RNF44: variants seen among roughly 807,000 people sequenced by gnomAD.
RNF44 encodes ring finger protein 44.
Under a neutral mutation model 53.6 loss-of-function variants are expected in RNF44, and 25 were observed. That is an observed-to-expected ratio of 0.47 (90% CI 0.34 to 0.65). The LOEUF (loss-of-function observed/expected upper bound fraction) is 0.65, where lower values mean the gene tolerates loss of function less well. Among genes scored for constraint, RNF44 ranks in the 30% least tolerant of loss-of-function variants. RNF44 has a pLI of 0.01. For missense variants in RNF44, 581 were observed against 595.5 expected (o/e 0.98, Z 0.25); for synonymous variants, 282 against 252.2 (o/e 1.12, Z -1.12).
At chr5:176,533,380 C>T (rs894458477) in intron 1 of RNF44, among the ~76,000 whole-genome samples, 1 of 152,224 alleles carries the variant, frequency 6.6e-6, no homozygotes, top group East Asian at 1.9e-4. Context: ...GAATGTATAG[C>T]TGGCCCATTT....
upstream of RNF44, among the ~76,000 whole-genome samples, chr5:176,541,424 G>A (rs1029876138): frequency 3.3e-5 from 5 of 152,180 alleles, no homozygotes; most frequent in East Asian, 1.9e-4. Flanking sequence ...CAGGGGCCCC[G>A]TGGTTGCTGA....
rs1756366949 is a variant in RNF44 at position 176,529,566 on chromosome 5, AC to A, written c.1092del (p.Ser365ArgfsTer47). 1 of 1,613,906 alleles carries A rather than the reference AC, an allele frequency of 6.2e-7. No individual in the cohort carries two copies. The highest frequency in any genetic ancestry group is 1.3e-5 in the African/African-American group (1 of 74,920). On this transcript the variant is annotated frameshift_variant, in exon 9 of 11. Coordinates refer to ENST00000274811, the MANE Select transcript of RNF44 (RefSeq NM_014901.5). LOFTEE classifies it high-confidence loss of function. Reference sequence around the variant, plus strand: ...TGGCTGTCCGGGTTAAAGCGGTACGACGGGAGCTGCTCTATGTCTGCTTTGG... The same window carrying A: ...TGGCTGTCCGGGTTAAAGCGGTACGAGGGAGCTGCTCTATGTCTGCTTTGG... ...GLTKADIEQL[P>X]SYRFNPDSHQ...
rs781685131 is a variant in RNF44, at chr5:176,530,977, C to T, written c.510G>A (p.Gln170=). The T allele has an allele frequency of 2.7e-6, 4 of 1,456,898 alleles. No homozygotes were observed. The highest frequency in any genetic ancestry group is 3.6e-6 in the Non-Finnish European group (4 of 1,107,768). 90.2% of individuals were successfully genotyped at this position (1,456,898 alleles called of 1,614,324 possible). A position where few individuals can be genotyped will look rare whatever the true frequency, so the allele number is the denominator to read the frequency against. ...CTMQQLPVPY[Q]AYPHLISSDH... ...CACTGGAGATGAGGTGGGGGTAGGC[C>T]TGATAGGGCACAGGCAGCTGCTGCA... is the stretch of plus-strand genomic sequence containing the variant. Residue 170 remains glutamine, a synonymous_variant, in exon 5 of 11, where the codon CAG becomes CAA. Coordinates refer to ENST00000274811, the MANE Select transcript of RNF44 (RefSeq NM_014901.5).
chr5:176,528,681 CAA>C lies in RNF44; in HGVS notation c.*345_*346del. On this transcript the variant is annotated 3_prime_UTR_variant, in exon 11 of 11. Transcript: ENST00000274811. ...GTGCTCTGTCTGCCCATCCTGGGGCCAAGGATCTCCACCGGCCCCACTGAGGG... is the reference window on the plus strand; with the variant it reads ...GTGCTCTGTCTGCCCATCCTGGGGCCGGATCTCCACCGGCCCCACTGAGGG... 9 of 347,644 alleles carry C rather than the reference CAA, an allele frequency of 2.6e-5. No homozygotes were observed. The highest frequency in any genetic ancestry group is 8.8e-5 in the South Asian group (2 of 22,694). 21.5% of individuals were successfully genotyped at this position (347,644 alleles called of 1,614,324 possible).
At chr5:176,538,095 G>T (rs1225658695), upstream of RNF44, 1 of 152,230 alleles carries the variant, frequency 6.6e-6, no homozygotes, top group African/African-American at 2.4e-5. Context: ...CCCCCAGCGT[G>T]GCGGTGGAGG....
At chr5:176,532,998 G>A (rs1463673471) in intron 1 of RNF44, among the ~76,000 whole-genome samples, 2 of 152,146 alleles carry the variant, frequency 1.3e-5, no homozygotes, top group Non-Finnish European at 2.9e-5. Flanking sequence ...GGAGCTCAGC[G>A]AGCTGGCCAG....
chr5:176,531,394 C>A lies in RNF44; in HGVS notation c.465+69G>T. On this transcript the variant is annotated intron_variant, in intron 4 of 10. Coordinates refer to ENST00000274811, the MANE Select transcript of RNF44 (RefSeq NM_014901.5). This position sits in a 1 kb window ranked among gnomAD's most constrained non-coding sequence, Gnocchi z 4.2. Reference sequence around the variant, plus strand: ...CAGCCCAGTTCAGGGCTGCCCTGGGCCCGCTGAGCCGCTGGCCTGTGCCTG... The same window carrying A: ...CAGCCCAGTTCAGGGCTGCCCTGGGACCGCTGAGCCGCTGGCCTGTGCCTG... 2.0e-6 allele frequency: 3 copies of A among 1,468,638 alleles called. No homozygotes were observed. The highest frequency in any genetic ancestry group is 2.1e-5 in the Admixed American group (1 of 48,392). The allele number at this position is 1,468,638 out of a possible 1,614,324, so 91.0% of individuals were successfully genotyped here. A position where few individuals can be genotyped will look rare whatever the true frequency, so the allele number is the denominator to read the frequency against.
upstream of RNF44, among the ~76,000 whole-genome samples, chr5:176,541,474 C>T (rs1322083722): frequency 2.0e-5 from 3 of 152,218 alleles, no homozygotes; most frequent in African/African-American, 7.2e-5. Context: ...GGGGAGAACA[C>T]AGAGGCTCAG....
upstream of RNF44, among the ~76,000 whole-genome samples, chr5:176,539,755 C>G (rs920030670): frequency 2.0e-5 from 3 of 151,908 alleles, no homozygotes; most frequent in Non-Finnish European, 2.9e-5. Flanking sequence ...CCTGCCTGTC[C>G]TTATGGATAG....
At position 176,531,335 on chromosome 5, in the gene RNF44, C is replaced by A; in HGVS notation, c.465+128G>T. The A allele has an allele frequency of 1.1e-6, 1 of 913,094 alleles. No individual in the cohort carries two copies. The highest frequency in any genetic ancestry group is 1.6e-6 in the Non-Finnish European group (1 of 619,938). The allele number at this position is 913,094 out of a possible 1,614,324, so 56.6% of individuals were successfully genotyped here. A position where few individuals can be genotyped will look rare whatever the true frequency, so the allele number is the denominator to read the frequency against. On this transcript the variant is annotated intron_variant, in intron 4 of 10. Transcript: ENST00000274811. The surrounding 1 kb of genome is among the most constrained non-coding windows in gnomAD (Gnocchi z 4.2). The stretch of plus-strand genomic sequence containing the variant: ...CGTATGCTTTCCTGGGGAGGCCAGG[C>A]AGGCGCTCTGACAGCCTGGATGGCT...
At chr5:176,534,997 C>G (rs10058242) in intron 1 of RNF44, among the ~76,000 whole-genome samples, 4,312 of 152,308 alleles carry the variant, frequency 0.028, 213 homozygotes, top group African/African-American at 0.099. Flanking sequence ...GGTGTCTGCT[C>G]TGTGGCCAGC....
Position 176,531,095 on chromosome 5 carries a change from CA to C in RNF44, c.466-75del. The C allele has an allele frequency of 7.2e-6, 8 of 1,117,526 alleles. No homozygotes were observed. Among genetic ancestry groups the C allele is most frequent in the Non-Finnish European group, 4.8e-6 (4 of 827,210 alleles). The allele number at this position is 1,117,526 out of a possible 1,614,324, so 69.2% of individuals were successfully genotyped here. ...GCCAGGTCTACGCCATGCCACCCAG[CA>C]AAAGGCCCCCACCGGGCACACACCC... is the stretch of plus-strand genomic sequence containing the variant. On this transcript the variant is annotated intron_variant, in intron 4 of 10. Coordinates refer to ENST00000274811, the MANE Select transcript of RNF44 (RefSeq NM_014901.5). The surrounding 1 kb of genome is among the most constrained non-coding windows in gnomAD (Gnocchi z 4.2).
rs1395379762 is a variant in RNF44 at position 176,530,146 on chromosome 5, G to C, written c.862C>G (p.Leu288Val). The change falls in exon 7 of 11, where the codon CTG becomes GTG. Residue 288 changes from leucine (L) to valine (V), a missense_variant. By Grantham distance (32) the Leu-to-Val change is conservative. Transcript: ENST00000274811. ...GGTGGGGGTGGGGGCGGCGGGGGCA[G>C]TGGCTGCTGCAGGCGGTATCTCTGG... is the stretch of plus-strand genomic sequence containing the variant. ...STQRYRLQQP[L>V]PPPPPPPPPP... 13 of 1,308,310 alleles carry C rather than the reference G, an allele frequency of 9.9e-6. No homozygotes were observed. The highest frequency in any genetic ancestry group is 1.2e-5 in the Non-Finnish European group (12 of 1,024,404). The allele number at this position is 1,308,310 out of a possible 1,614,324, so 81.0% of individuals were successfully genotyped here.
upstream of RNF44, among the ~76,000 whole-genome samples, chr5:176,538,877 A>ATTG (rs10641503): frequency 0.51 from 78,093 of 151,806 alleles, 20,231 homozygotes; most frequent in Middle Eastern, 0.59. Flanking sequence ...CTGATTAACA[A>ATTG]TTGTCCTTAG....
Position 176,530,104 on chromosome 5 carries a change from G to A in RNF44, c.904C>T (p.Pro302Ser). 8.1e-7 allele frequency: 1 copy of A among 1,240,286 alleles called. No homozygotes were observed. The highest frequency in any genetic ancestry group is 1.0e-6 in the Non-Finnish European group (1 of 976,258). The allele number at this position is 1,240,286 out of a possible 1,614,324, so 76.8% of individuals were successfully genotyped here. A position where few individuals can be genotyped will look rare whatever the true frequency, so the allele number is the denominator to read the frequency against. Reference protein sequence around the residue: ...PPPPPPPPYYPSFLPYFLSML... With the variant: ...PPPPPPPPYYSSFLPYFLSML... ...TACAGGAAGTAGGGCAGGAAGCTGGGGTAGTAGGGTGGTGGGGGTGGGGGT... is the reference window on the plus strand; with the variant it reads ...TACAGGAAGTAGGGCAGGAAGCTGGAGTAGTAGGGTGGTGGGGGTGGGGGT... Residue 302 changes from proline (P) to serine (S), a missense_variant, in exon 7 of 11, where the codon CCC becomes TCC. By Grantham distance (74) the Pro-to-Ser change is moderately conservative (BLOSUM62 -1). Transcript: ENST00000274811.
chr5:176,529,416 A>T (rs1756347127), intron 9 of RNF44, 29 bp from the exon 10 acceptor site: 1 of 1,604,740 alleles, frequency 6.2e-7, no homozygotes, highest in South Asian at 1.1e-5. Flanking sequence ...CGTCACCTCC[A>T]CGCTGAGGGC....
Position 176,530,916 on chromosome 5 carries a change from G to GGGGGGGGGGGC in RNF44, c.570_571insGCCCCCCCCCC (p.Pro191AlafsTer86). ...GGCGCCATGTGGGTGGGCTGGGGGG[G>GGGGGGGGGGGC]TGGGGCCGGTGGTGGGGGGTGCAGG... On this transcript the variant is annotated frameshift_variant, in exon 5 of 11. Coordinates refer to ENST00000274811, the MANE Select transcript of RNF44 (RefSeq NM_014901.5). LOFTEE classifies it high-confidence loss of function. 1 of 1,342,898 alleles carries GGGGGGGGGGGC rather than the reference G, an allele frequency of 7.4e-7. No homozygotes were observed. Among genetic ancestry groups the GGGGGGGGGGGC allele is most frequent in the Non-Finnish European group, 9.9e-7 (1 of 1,014,318 alleles). 83.2% of individuals were successfully genotyped at this position (1,342,898 alleles called of 1,614,324 possible).
chr5:176,531,704 C>T lies in RNF44; in HGVS notation c.298-74G>A. The stretch of plus-strand genomic sequence containing the variant: ...GAGGGCTACTCTCAGGAGAAATCAT[C>T]CTGCCACATCCAGCTGCCGGCTCCC... On this transcript the variant is annotated intron_variant, in intron 3 of 10. Coordinates refer to ENST00000274811, the MANE Select transcript of RNF44 (RefSeq NM_014901.5). This position sits in a 1 kb window ranked among gnomAD's most constrained non-coding sequence, Gnocchi z 4.2. 7.0e-7 allele frequency: 1 copy of T among 1,426,206 alleles called. No individual in the cohort carries two copies. The highest frequency in any genetic ancestry group is 9.5e-7 in the Non-Finnish European group (1 of 1,054,246). The allele number at this position is 1,426,206 out of a possible 1,614,324, so 88.3% of individuals were successfully genotyped here.
In RNF44 at chr5:176,532,202, CAG is replaced by C; in HGVS notation, c.108-11_108-10del. 6.6e-7 allele frequency: 1 copy of C among 1,506,264 alleles called. No homozygotes were observed. The highest frequency in any genetic ancestry group is 8.9e-7 in the Non-Finnish European group (1 of 1,128,556). The allele number at this position is 1,506,264 out of a possible 1,614,324, so 93.3% of individuals were successfully genotyped here. On this transcript the variant is annotated splice_polypyrimidine_tract_variant and intron_variant, in intron 2 of 10. Coordinates refer to ENST00000274811, the MANE Select transcript of RNF44 (RefSeq NM_014901.5). ...GGCCCTCGAGGCCAGGGCTGCACCA[CAG>C]AGAGGAGGCCCCGATAGGACTGAGG...
Sources: allele counts gnomAD v4.1 joint callset (sites outside exome capture counted in the v4.1 genomes callset), GRCh38; gene constraint gnomAD v4.1.1; non-coding constraint Gnocchi (gnomAD v3.1); transcripts MANE v1.5; gene names NCBI Gene and HGNC (gene_info 2026-07-23, HGNC 2026-07-21).